Variants in FILIP1 observed in about 807,000 individuals in gnomAD.
The protein encoded by FILIP1 is filamin A interacting protein 1.
FILIP1 carries 61 observed loss-of-function variants against 102.1 expected under a neutral mutation model. The observed-to-expected ratio is 0.60, with a 90% confidence interval of 0.49 to 0.74. FILIP1 has a LOEUF of 0.74. Ranked by LOEUF, FILIP1 falls within the 30% of genes least tolerant of loss-of-function variation. FILIP1 has a pLI of 0.00. For synonymous variants in FILIP1, 491 were observed against 526.9 expected (o/e 0.93, Z 0.93); for missense variants, 1,314 against 1,441.2 (o/e 0.91, Z 1.43).
At chr6:75,343,542 T>C (rs1333310808) in intron 4 of FILIP1, among the ~76,000 whole-genome samples, 2 of 152,212 alleles carry the variant, frequency 1.3e-5, no homozygotes, top group African/African-American at 4.8e-5. Context: ...GAGAAACATC[T>C]TATCTAAATG....
intron 2 of FILIP1, among the ~76,000 whole-genome samples, chr6:75,400,069 C>T (rs960428477): frequency 1.3e-5 from 2 of 152,074 alleles, no homozygotes; most frequent in Non-Finnish European, 2.9e-5. Flanking sequence ...AATACTGGCA[C>T]ATCTGTGGAA....
intron 5 of FILIP1, among the ~76,000 whole-genome samples, chr6:75,311,319 A>G (rs1277197085): frequency 1.3e-5 from 2 of 148,952 alleles, no homozygotes; most frequent in Admixed American, 1.3e-4. Flanking sequence ...AGTAGCTGAG[A>G]TTACAGGTGT....
chr6:75,486,965 C>T lies in FILIP1; in HGVS notation c.-7+6449G>A, dbSNP rs114807517. Among the ~76,000 whole-genome samples, 512 of 152,086 alleles carry T rather than the reference C, an allele frequency of 3.4e-3. 7 individuals are homozygous for T. Among genetic ancestry groups the T allele is most frequent in the African/African-American group, 0.012 (492 of 41,482 alleles). ...GGATGTCTTATCAAAAGTTGACGGGCCCTGAGAAGTGAACTCGACCAATGC... is the reference window on the plus strand; with the variant it reads ...GGATGTCTTATCAAAAGTTGACGGGTCCTGAGAAGTGAACTCGACCAATGC... On this transcript the variant is annotated intron_variant, in intron 1 of 5. Coordinates refer to ENST00000237172, the MANE Select transcript of FILIP1 (RefSeq NM_015687.5).
chr6:75,351,283 G>A (rs1774797169), intron 4 of FILIP1, among the ~76,000 whole-genome samples: 1 of 152,028 alleles, frequency 6.6e-6, no homozygotes, highest in South Asian at 2.1e-4. Flanking sequence ...GGCTGCTCTC[G>A]AACTCCTGAC....
chr6:75,354,321 C>T (rs1157968554), intron 3 of FILIP1, among the ~76,000 whole-genome samples: 1 of 152,110 alleles, frequency 6.6e-6, no homozygotes, highest in Non-Finnish European at 1.5e-5. Context: ...GCCTGTAATC[C>T]CAGCACGTGG....
At chr6:75,293,238 C>A (rs962513520) in exon 7 of FILIP1, 37 of 152,090 alleles carry the variant, frequency 2.4e-4, no homozygotes, top group African/African-American at 8.9e-4. Flanking sequence ...AAATGATTCC[C>A]ATTTAGAATG....
chr6:75,370,536 CT>C (rs1304729508), intron 2 of FILIP1, among the ~76,000 whole-genome samples: 1 of 142,556 alleles, frequency 7.0e-6, no homozygotes. Context: ...ACTCTTTCAT[CT>C]GATATATTTG....
chr6:75,461,716 G>A (rs554049434), intron 1 of FILIP1, among the ~76,000 whole-genome samples: 20 of 152,160 alleles, frequency 1.3e-4, no homozygotes, highest in Non-Finnish European at 2.6e-4. Context: ...AAATGAAGGC[G>A]ATAAATTAGG....
chr6:75,308,349 T>C lies in FILIP1; in HGVS notation c.*342A>G, dbSNP rs1000682949. Reference sequence around the variant, plus strand: ...AAATTTGGCTTGCAATTAGGAAATATGGGAGCCGGACTTGAAGAGCGTGTG... The same window carrying C: ...AAATTTGGCTTGCAATTAGGAAATACGGGAGCCGGACTTGAAGAGCGTGTG... On this transcript the variant is annotated 3_prime_UTR_variant, in exon 6 of 6. Transcript: ENST00000237172. 4 of 1,023,780 alleles carry C rather than the reference T, an allele frequency of 3.9e-6. No individual in the cohort carries two copies. In the African/African-American group the frequency reaches 6.8e-5, roughly 17 times the overall value. 63.4% of individuals were successfully genotyped at this position (1,023,780 alleles called of 1,614,324 possible). A position where few individuals can be genotyped will look rare whatever the true frequency, so the allele number is the denominator to read the frequency against.
chr6:75,347,355 A>G (rs1048352640), intron 4 of FILIP1, among the ~76,000 whole-genome samples: 1 of 152,234 alleles, frequency 6.6e-6, no homozygotes, highest in Non-Finnish European at 1.5e-5. Context: ...AGAGGTCAAT[A>G]AAAGTTAACT....
At chr6:75,327,872 T>C (rs1362575998) in intron 4 of FILIP1, among the ~76,000 whole-genome samples, 1 of 152,088 alleles carries the variant, frequency 6.6e-6, no homozygotes, top group African/African-American at 2.4e-5. Flanking sequence ...AGACATTATA[T>C]ACAAACCTCC....
chr6:75,431,745 C>T (rs755757416), intron 1 of FILIP1, among the ~76,000 whole-genome samples: 1 of 152,122 alleles, frequency 6.6e-6, no homozygotes, highest in Non-Finnish European at 1.5e-5. Flanking sequence ...GACTCCTGGG[C>T]CAACTGAGGT....
chr6:75,440,538 G>A (rs1778175953), intron 1 of FILIP1, among the ~76,000 whole-genome samples: 3 of 152,228 alleles, frequency 2.0e-5, no homozygotes, highest in African/African-American at 7.2e-5. Flanking sequence ...TGGAATGGCA[G>A]GCAAGATTGA....
At chr6:75,353,494 G>C (rs1203864586) in intron 4 of FILIP1, 45 bp downstream of exon 4, 1 of 1,604,622 alleles carries the variant, frequency 6.2e-7, no homozygotes, top group Admixed American at 1.7e-5. Context: ...GACATGAAAG[G>C]GCTATGGGCA....
At chr6:75,385,881 A>C (rs894774071) in intron 2 of FILIP1, among the ~76,000 whole-genome samples, 1 of 147,890 alleles carries the variant, frequency 6.8e-6, no homozygotes, top group Non-Finnish European at 1.5e-5. Context: ...CCTGAGCTTT[A>C]TCTGGCAGCA....
At chr6:75,429,611 T>A (rs1777753955) in intron 1 of FILIP1, among the ~76,000 whole-genome samples, 1 of 152,120 alleles carries the variant, frequency 6.6e-6, no homozygotes, top group Non-Finnish European at 1.5e-5. Flanking sequence ...TGGTCCCTGT[T>A]GGAACCAGAA....
At position 75,476,837 on chromosome 6, in the gene FILIP1, G is replaced by C. The variant is rs181772171; in HGVS notation, c.-7+16577C>G. ...ATAGAAAAACAAATGTTAAAACCTA[G>C]AGTCATGACAGACCATCTTTCTGCT... On this transcript the variant is annotated intron_variant, in intron 1 of 5. Transcript: ENST00000237172. Among the ~76,000 whole-genome samples, 330 of 152,180 alleles carry C rather than the reference G, an allele frequency of 2.2e-3. 2 individuals carry two copies. Among genetic ancestry groups the C allele is most frequent in the African/African-American group, 7.6e-3 (316 of 41,534 alleles).
At chr6:75,323,712 C>T (rs898029615) in intron 4 of FILIP1, among the ~76,000 whole-genome samples, 1 of 152,160 alleles carries the variant, frequency 6.6e-6, no homozygotes. Context: ...AAATAAGGGG[C>T]ATGCAAACTG....
intron 4 of FILIP1, among the ~76,000 whole-genome samples, chr6:75,340,893 G>A (rs376789681): frequency 2.2e-4 from 29 of 132,330 alleles, no homozygotes; most frequent in African/African-American, 7.4e-4. Flanking sequence ...TTGTAAAGAC[G>A]GTGTTTTGCC....
Sources: allele counts gnomAD v4.1 joint callset (sites outside exome capture counted in the v4.1 genomes callset), GRCh38; gene constraint gnomAD v4.1.1; transcripts MANE v1.5; gene names NCBI Gene and HGNC (gene_info 2026-07-23, HGNC 2026-07-21).